Variants in NDFIP2 observed in about 807,000 individuals in gnomAD.
NDFIP2 encodes Nedd4 family interacting protein 2, also known as NEDD4 family-interacting protein 2.
Under a neutral mutation model 36.0 loss-of-function variants are expected in NDFIP2, and 19 were observed. That is an observed-to-expected ratio of 0.53 (90% CI 0.37 to 0.77). NDFIP2 has a LOEUF of 0.77. NDFIP2 is among the 30% of genes least tolerant of loss of function. The pLI is 0.00. For missense variants in NDFIP2, 446 were observed against 435.8 expected, an observed-to-expected ratio of 1.02 and a Z score of -0.21; for synonymous variants, 181 against 167.7, an observed-to-expected ratio of 1.08 and a Z score of -0.61.
chr13:79,534,750 G>A (rs1032280315), intron 3 of NDFIP2, among the ~76,000 whole-genome samples: 22 of 152,272 alleles, frequency 1.4e-4, no homozygotes, highest in African/African-American at 5.3e-4. Flanking sequence ...GGAGAGAGAT[G>A]TGCTTCCATG....
intron 1 of NDFIP2, among the ~76,000 whole-genome samples, chr13:79,497,768 G>A (rs550299462): frequency 2.3e-4 from 33 of 142,314 alleles, no homozygotes; most frequent in African/African-American, 8.6e-4. Flanking sequence ...TTCCTTCCAT[G>A]CCCATTTAAA....
intron 1 of NDFIP2, among the ~76,000 whole-genome samples, chr13:79,492,531 A>G (rs73234683): frequency 0.17 from 25,997 of 151,906 alleles, 2,675 homozygotes; most frequent in Middle Eastern, 0.29. Context: ...CCTCCCAAGT[A>G]GTTGAGACTA....
intron 1 of NDFIP2, among the ~76,000 whole-genome samples, chr13:79,501,255 G>T (rs1478569618): frequency 6.6e-6 from 1 of 151,954 alleles, no homozygotes; most frequent in African/African-American, 2.4e-5. Context: ...TTATACTTTT[G>T]TCAAAACCCA....
intron 1 of NDFIP2, among the ~76,000 whole-genome samples, chr13:79,488,068 T>C (rs1873088378): frequency 6.6e-6 from 1 of 152,182 alleles, no homozygotes; most frequent in South Asian, 2.1e-4. Flanking sequence ...CTACTGCTTT[T>C]TCTCAAAGGT....
chr13:79,532,665 A>G (rs967430344), intron 2 of NDFIP2, among the ~76,000 whole-genome samples: 1 of 152,220 alleles, frequency 6.6e-6, no homozygotes, highest in African/African-American at 2.4e-5. Flanking sequence ...AAGAGTGGAA[A>G]AGTAAAACTT....
At chr13:79,532,256 G>A (rs1415133132) in intron 2 of NDFIP2, among the ~76,000 whole-genome samples, 2 of 152,198 alleles carry the variant, frequency 1.3e-5, no homozygotes, top group Non-Finnish European at 2.9e-5. Flanking sequence ...AATTGCCGCC[G>A]CAAACCTTCA....
intron 7 of NDFIP2, 149 bp from the exon 8 acceptor site, chr13:79,552,367 C>A (rs1482116624): frequency 6.6e-6 from 1 of 151,414 alleles, no homozygotes; most frequent in Non-Finnish European, 1.5e-5. Context: ...AGAAGCCTTA[C>A]ACTTTAGAAT....
rs780458623 is a variant in NDFIP2 at position 79,520,921 on chromosome 13, G to C, written c.433G>C (p.Asp145His). The C allele has an allele frequency of 3.1e-6, 5 of 1,613,222 alleles. No individual in the cohort carries two copies. The highest frequency in any genetic ancestry group is 4.2e-6 in the Non-Finnish European group (5 of 1,179,676). Reference sequence around the variant, plus strand: ...GTCTTCAGCACCAGCACTTGAAACTGACTCTTCCCCTCCACCATATAGTAG... The same window carrying C: ...GTCTTCAGCACCAGCACTTGAAACTCACTCTTCCCCTCCACCATATAGTAG... ...AASSAPALET[D>H]SSPPPYSSIT... The change falls in exon 2 of 8, where the codon GAC becomes CAC. Residue 145 changes from aspartate to histidine, a missense_variant. Around this residue, in one of 2 missense-constraint regions of NDFIP2, gnomAD observed 369 missense variants for 304.8 expected, o/e 1.21. Coordinates refer to ENST00000218652, the MANE Select transcript of NDFIP2 (RefSeq NM_019080.3).
At chr13:79,519,933 T>C (rs1391033243) in intron 1 of NDFIP2, among the ~76,000 whole-genome samples, 2 of 152,132 alleles carry the variant, frequency 1.3e-5, no homozygotes, top group Admixed American at 1.3e-4. Context: ...CCCGAGTAGC[T>C]GGGATTACAG....
At chr13:79,496,108 C>T (rs947492987) in intron 1 of NDFIP2, among the ~76,000 whole-genome samples, 2 of 151,824 alleles carry the variant, frequency 1.3e-5, no homozygotes, top group African/African-American at 2.4e-5. Context: ...TTTTATATTT[C>T]CTTAGATATT....
intron 3 of NDFIP2, among the ~76,000 whole-genome samples, chr13:79,538,001 G>C (rs2760103): frequency 0.59 from 89,850 of 151,872 alleles, 27,406 homozygotes; most frequent in African/African-American, 0.72. Flanking sequence ...CGGAAGGTGA[G>C]GGGGAAGCAG....
chr13:79,538,811 G>A (rs1299508923), intron 3 of NDFIP2, among the ~76,000 whole-genome samples: 1 of 152,186 alleles, frequency 6.6e-6, no homozygotes, highest in East Asian at 1.9e-4. Context: ...TTGAACTCCT[G>A]GCCTGAAGTG....
At chr13:79,542,413 C>T (rs1875489659) in intron 4 of NDFIP2, among the ~76,000 whole-genome samples, 2 of 152,064 alleles carry the variant, frequency 1.3e-5, no homozygotes, top group South Asian at 4.1e-4. Flanking sequence ...AGTGGCTGTA[C>T]TATTTTGCAT....
chr13:79,508,960 T>C (rs1873972850), intron 1 of NDFIP2, among the ~76,000 whole-genome samples: 2 of 152,238 alleles, frequency 1.3e-5, no homozygotes, highest in African/African-American at 4.8e-5. Flanking sequence ...AATATTTTAT[T>C]TGTATTGATT....
intron 5 of NDFIP2, 86 bp downstream of exon 5, chr13:79,543,768 T>C: frequency 1.3e-6 from 2 of 1,493,740 alleles, no homozygotes; most frequent in East Asian, 2.3e-5. Flanking sequence ...GGTCACTTTA[T>C]TTTCATGAAT....
At position 79,507,519 on chromosome 13, in the gene NDFIP2, C is replaced by A. The variant is rs898381674; in HGVS notation, c.322-13291C>A. On this transcript the variant is annotated intron_variant, in intron 1 of 7. Transcript: ENST00000218652. ...TCGATCTCCTGACCTCGTGATCCGC[C>A]CGCCTCGGCCTCCCAAAGTGCTGGG... 1.1e-4 allele frequency among the ~76,000 whole-genome samples: 4 copies of A among 36,432 alleles called. 2 individuals carry two copies. Among genetic ancestry groups the A allele is most frequent in the Admixed American group, 6.1e-4 (2 of 3,294 alleles). The allele number at this position is 36,432 out of a possible 152,430, so 23.9% of individuals were successfully genotyped here. A position where few individuals can be genotyped will look rare whatever the true frequency, so the allele number is the denominator to read the frequency against.
chr13:79,505,657 A>G (rs1254295597), intron 1 of NDFIP2, among the ~76,000 whole-genome samples: 1 of 151,774 alleles, frequency 6.6e-6, no homozygotes, highest in African/African-American at 2.4e-5. Context: ...AAAACCAAAA[A>G]GCTCCCAAAG....
chr13:79,553,978 A>G lies in NDFIP2; in HGVS notation c.*1465A>G, dbSNP rs956189407. 6.6e-6 allele frequency: 1 copy of G among 151,694 alleles called. No homozygotes were observed. Among genetic ancestry groups the G allele is most frequent in the African/African-American group, 2.4e-5 (1 of 41,430 alleles). The allele number at this position is 151,694 out of a possible 1,614,324, so 9.4% of individuals were successfully genotyped here. A position where few individuals can be genotyped will look rare whatever the true frequency, so the allele number is the denominator to read the frequency against. ...TACTAAAAGGTACATCTAACTATTC[A>G]GGGACATTTTTCCATTTCCAAAAAA... On this transcript the variant is annotated 3_prime_UTR_variant, in exon 8 of 8. Transcript: ENST00000218652.
chr13:79,490,886 T>A (rs554939932), intron 1 of NDFIP2, among the ~76,000 whole-genome samples: 153 of 152,302 alleles, frequency 1.0e-3, no homozygotes, highest in African/African-American at 3.3e-3. Flanking sequence ...GAGTGGATAG[T>A]AGAAGAGAAT....
Sources: allele counts gnomAD v4.1 joint callset (sites outside exome capture counted in the v4.1 genomes callset), GRCh38; gene constraint gnomAD v4.1.1; regional missense constraint gnomAD v4.1.1; transcripts MANE v1.5; gene names NCBI Gene and HGNC (gene_info 2026-07-23, HGNC 2026-07-21).